CCDC90B: variants seen among roughly 807,000 people sequenced by gnomAD.
The protein encoded by CCDC90B is coiled-coil domain containing 90B.
A neutral mutation model predicts 37.0 loss-of-function variants in CCDC90B; 24 were observed. That is an observed-to-expected ratio of 0.65 (90% CI 0.47 to 0.91). CCDC90B has a LOEUF of 0.91. CCDC90B is among the 40% of genes least tolerant of loss of function. CCDC90B has a pLI of 0.00. For missense variants in CCDC90B, 319 were observed against 299.0 expected, an observed-to-expected ratio of 1.07 and a Z score of -0.49; for synonymous variants, 113 against 101.1, an observed-to-expected ratio of 1.12 and a Z score of -0.71.
chr11:83,267,103 G>A (rs1057190750), intron 7 of CCDC90B: 1 of 152,242 alleles, frequency 6.6e-6, no homozygotes, highest in Non-Finnish European at 1.5e-5. Context: ...AACCCCATCT[G>A]TAGGTCACCA....
Position 83,260,121 on chromosome 11 carries a change from G to C in CCDC90B, c.*1790C>G, listed in dbSNP as rs530719795. On this transcript the variant is annotated 3_prime_UTR_variant, in exon 9 of 9. Transcript: ENST00000529689. Reference sequence around the variant, plus strand: ...GATAAGGGGATGAAGAGTGACGACAGTGTTATGCTACTGGAGCTTCCTTCA... The same window carrying C: ...GATAAGGGGATGAAGAGTGACGACACTGTTATGCTACTGGAGCTTCCTTCA... The C allele has an allele frequency of 1.7e-4, 26 of 152,226 alleles. No individual in the cohort carries two copies. Among genetic ancestry groups the C allele is most frequent in the Non-Finnish European group, 3.7e-4 (25 of 68,044 alleles). 9.4% of individuals were successfully genotyped at this position (152,226 alleles called of 1,614,324 possible).
Position 83,285,961 on chromosome 11 carries a change from G to T in CCDC90B, c.12C>A (p.Arg4=), listed in dbSNP as rs186527054. The T allele has an allele frequency of 6.2e-7, 1 of 1,611,512 alleles. No individual in the cohort carries two copies. The highest frequency in any genetic ancestry group is 1.7e-5 in the Admixed American group (1 of 59,788). ...GGGAGAGAAAGAGCCGCCAAGCCTG[G>T]CGACTATTCATGTCCTCAGAGTTTT... MNS[R]QAWRLFLSQG... Residue 4 remains arginine (R), a synonymous_variant, in exon 1 of 9, where the codon CGC becomes CGA. Coordinates refer to ENST00000529689, the MANE Select transcript of CCDC90B (RefSeq NM_021825.5).
chr11:83,264,549 C>T (rs1285892724), intron 8 of CCDC90B, among the ~76,000 whole-genome samples: 1 of 152,132 alleles, frequency 6.6e-6, no homozygotes, highest in Non-Finnish European at 1.5e-5. Context: ...TGTAGAGTTT[C>T]TGCTGAGAGA....
At chr11:83,269,178 G>A (rs1864485664) in intron 7 of CCDC90B, among the ~76,000 whole-genome samples, 1 of 152,076 alleles carries the variant, frequency 6.6e-6, no homozygotes, top group African/African-American at 2.4e-5. Flanking sequence ...ATCTAAAATC[G>A]ACACCCTAAC....
rs99146 is a variant in CCDC90B at position 83,265,832 on chromosome 11, G to C, written c.709+33C>G. ...ATAGGTAGAACTAACAGGAAAATTA[G>C]ATGACAGCAATTTCTTTCTCTGACA... On this transcript the variant is annotated intron_variant, in intron 8 of 8. Transcript: ENST00000529689. The C allele has an allele frequency of 0.26, 358,178 of 1,360,996 alleles. 48,545 individuals are homozygous for C. The highest frequency in any genetic ancestry group is 0.35 in the Middle Eastern group (1,355 of 3,922). 84.3% of individuals were successfully genotyped at this position (1,360,996 alleles called of 1,614,324 possible).
At chr11:83,281,454 A>G (rs1034583263) in intron 1 of CCDC90B, among the ~76,000 whole-genome samples, 6 of 152,242 alleles carry the variant, frequency 3.9e-5, no homozygotes, top group Non-Finnish European at 8.8e-5. Flanking sequence ...TAAACTCTAA[A>G]TTCAAATGAT....
In CCDC90B at chr11:83,286,010, G is replaced by C. The variant is rs763807106; in HGVS notation, c.-38C>G. 129 of 1,581,662 alleles carry C rather than the reference G, an allele frequency of 8.2e-5. No homozygotes were observed. The highest frequency in any genetic ancestry group is 1.0e-4 in the Non-Finnish European group (117 of 1,164,152). On this transcript the variant is annotated 5_prime_UTR_variant, in exon 1 of 9. Transcript: ENST00000529689. ...TTCCGGTGGGAGGGAGGCGGAAGAC[G>C]GGGTAAATCTCGCACAGGCTTTCGG...
intron 7 of CCDC90B, chr11:83,267,207 TC>T (rs1864335739): frequency 6.6e-6 from 1 of 152,204 alleles, no homozygotes; most frequent in Non-Finnish European, 1.5e-5. Context: ...CCTCTTCTCC[TC>T]CAGAGGATTG....
intron 7 of CCDC90B, among the ~76,000 whole-genome samples, chr11:83,269,360 G>A (rs1347567334): frequency 6.6e-6 from 1 of 151,832 alleles, no homozygotes; most frequent in Non-Finnish European, 1.5e-5. Context: ...AACAATCAAT[G>A]AACCTAGGAG....
At chr11:83,281,957 T>A (rs1229219653) in intron 1 of CCDC90B, among the ~76,000 whole-genome samples, 1 of 152,198 alleles carries the variant, frequency 6.6e-6, no homozygotes, top group Admixed American at 6.5e-5. Flanking sequence ...GAAAATATCC[T>A]AAGCTGAAAA....
At chr11:83,285,117 C>G (rs1865603169) in intron 1 of CCDC90B, 1 of 1,239,360 alleles carries the variant, frequency 8.1e-7, no homozygotes, top group African/African-American at 1.6e-5. Flanking sequence ...TACCGAATGG[C>G]TCAGCGTACC....
rs1220445478 is a variant in CCDC90B, at chr11:83,260,812, AAAAATAT to A, written c.*1092_*1098del. The A allele has an allele frequency of 6.6e-6, 1 of 152,226 alleles. No homozygotes were observed. The highest frequency in any genetic ancestry group is 1.9e-4 in the East Asian group (1 of 5,202). 9.4% of individuals were successfully genotyped at this position (152,226 alleles called of 1,614,324 possible). ...TACTAATAGATATTACTTTGTAAGA[AAAAATAT>A]ATCTAATAACAAAACAAAATACGAA... On this transcript the variant is annotated 3_prime_UTR_variant, in exon 9 of 9. Transcript: ENST00000529689.
At chr11:83,266,469 G>A (rs1204164028) in intron 7 of CCDC90B, among the ~76,000 whole-genome samples, 1 of 152,256 alleles carries the variant, frequency 6.6e-6, no homozygotes, top group Non-Finnish European at 1.5e-5. Context: ...GCCTGGCTCA[G>A]CGGGTCCCAC....
Position 83,259,326 on chromosome 11 carries a change from G to C in CCDC90B, c.*2585C>G, listed in dbSNP as rs898058435. The C allele has an allele frequency of 1.3e-5, 2 of 152,178 alleles. No homozygotes were observed. Among genetic ancestry groups the C allele is most frequent in the Admixed American group, 1.3e-4 (2 of 15,274 alleles). The allele number at this position is 152,178 out of a possible 1,614,324, so 9.4% of individuals were successfully genotyped here. A position where few individuals can be genotyped will look rare whatever the true frequency, so the allele number is the denominator to read the frequency against. On this transcript the variant is annotated 3_prime_UTR_variant, in exon 9 of 9. Transcript: ENST00000529689. ...GAAACAAAAATTTACCTGAACCCCA[G>C]AACCACCATCAAAATGAAGTTTCAT... is the stretch of plus-strand genomic sequence containing the variant.
chr11:83,265,116 GA>G, intron 8 of CCDC90B, among the ~76,000 whole-genome samples: 1 of 152,128 alleles, frequency 6.6e-6, no homozygotes, highest in Non-Finnish European at 1.5e-5. Flanking sequence ...AATTTATAAT[GA>G]AAATACATTA....
chr11:83,268,189 G>A (rs1014216976), intron 7 of CCDC90B, among the ~76,000 whole-genome samples: 1 of 152,118 alleles, frequency 6.6e-6, no homozygotes, highest in African/African-American at 2.4e-5. Flanking sequence ...TGAAGAAACT[G>A]CATCAATTAA....
At chr11:83,275,962 C>A (rs1224168416) in intron 3 of CCDC90B, among the ~76,000 whole-genome samples, 1 of 152,172 alleles carries the variant, frequency 6.6e-6, no homozygotes, top group Non-Finnish European at 1.5e-5. Flanking sequence ...ATTATTATTA[C>A]CGATGGGACA....
At chr11:83,279,014 T>G (rs1865216440) in intron 2 of CCDC90B, among the ~76,000 whole-genome samples, 185 bp from the exon 3 acceptor site, 1 of 152,202 alleles carries the variant, frequency 6.6e-6, no homozygotes, top group African/African-American at 2.4e-5. Flanking sequence ...CCGGGCATGG[T>G]GGCTCACGCC....
intron 2 of CCDC90B, among the ~76,000 whole-genome samples, chr11:83,279,648 CTTA>C (rs1865269119): frequency 4.6e-5 from 7 of 152,126 alleles, no homozygotes; most frequent in Admixed American, 4.6e-4. Context: ...TGGCTAGTCA[CTTA>C]TTATGTCTCA....
Sources: allele counts gnomAD v4.1 joint callset (sites outside exome capture counted in the v4.1 genomes callset), GRCh38; gene constraint gnomAD v4.1.1; transcripts MANE v1.5; gene names NCBI Gene and HGNC (gene_info 2026-07-23, HGNC 2026-07-21).